ZNF570: variants seen among roughly 807,000 people sequenced by gnomAD.
ZNF570 encodes the protein zinc finger protein 570.
A neutral mutation model predicts 14.2 loss-of-function variants in ZNF570; 8 were observed. The observed-to-expected ratio is 0.56, with a 90% CI of 0.33 to 1.02. The LOEUF (loss-of-function observed/expected upper bound fraction) is 1.02. ZNF570 is among the 50% of genes least tolerant of loss of function. The pLI, the probability that ZNF570 is intolerant of heterozygous loss-of-function variation, is 0.03. For synonymous variants in ZNF570, 202 were observed against 207.6 expected (o/e 0.97, Z 0.23); for missense variants, 559 against 624.9 (o/e 0.89, Z 1.12).
rs372620758 is a variant in ZNF570, at chr19:37,485,184, T to C, written c.1562T>C (p.Ile521Thr). 1.0e-4 allele frequency: 161 copies of C among 1,585,464 alleles called. No homozygotes were observed. Among genetic ancestry groups the C allele is most frequent in the East Asian group, 9.4e-4 (42 of 44,716 alleles). The change falls in exon 5 of 5, where the codon ATT (isoleucine) becomes ACT (threonine). Residue 521 changes from isoleucine (I) to threonine (T), a missense_variant. Transcript: ENST00000330173. ...CTTGCTCATCACCAGAGAATTCACA[T>C]TGGGGAGTCACTGTCACCACCCAAC... The part of the protein sequence containing the change: ...AHLAHHQRIH[I>T]GESLSPPNPV...
At chr19:37,467,884 A>G, upstream of ZNF570, 1 of 1,536,084 alleles carries the variant, frequency 6.5e-7, no homozygotes, top group Non-Finnish European at 8.7e-7. Context: ...CAGTTTTGTC[A>G]GAGACAATGT....
At chr19:37,468,907 C>A, upstream of ZNF570, 6 of 276,038 alleles carry the variant, frequency 2.2e-5, no homozygotes, top group Non-Finnish European at 3.3e-5. Flanking sequence ...TTTCGGGTAT[C>A]CAGCACAATT....
chr19:37,479,010 T>C (rs2042057195), intron 4 of ZNF570, among the ~76,000 whole-genome samples: 1 of 151,338 alleles, frequency 6.6e-6, no homozygotes, highest in Non-Finnish European at 1.5e-5. Flanking sequence ...TCGTAAATTC[T>C]CTTTTTCTTC....
chr19:37,485,757 C>T lies in ZNF570; in HGVS notation c.*524C>T, dbSNP rs28373708. ...TCTTTTTAAAGAATAAGAAAACACA[C>T]ATGGGCTGGGTGTGATGGCTCATGC... On this transcript the variant is annotated 3_prime_UTR_variant, in exon 5 of 5. Transcript: ENST00000330173. 0.26 allele frequency: 40,244 copies of T among 152,046 alleles called. 6,530 individuals are homozygous for T. The highest frequency in any genetic ancestry group is 0.45 in the African/African-American group (18,626 of 41,462). 9.4% of individuals were successfully genotyped at this position (152,046 alleles called of 1,614,324 possible). A position where few individuals can be genotyped will look rare whatever the true frequency, so the allele number is the denominator to read the frequency against.
At position 37,469,454 on chromosome 19, in the gene ZNF570, C is replaced by T. The variant is rs1173025397; in HGVS notation, c.-155C>T. On this transcript the variant is annotated 5_prime_UTR_variant, in exon 1 of 5. Coordinates refer to ENST00000330173, the MANE Select transcript of ZNF570 (RefSeq NM_144694.5). ...CGAGCCTTCGGGGCAGGAAGGAGAT[C>T]TTCCACCAGTTCTGTTCTGCAGGTC... The T allele has an allele frequency of 6.5e-6, 10 of 1,535,952 alleles. No homozygotes were observed. In the Admixed American group the frequency reaches 7.8e-5, roughly 12 times the overall value.
chr19:37,471,205 G>T (rs1277505505), intron 2 of ZNF570, among the ~76,000 whole-genome samples: 3 of 151,106 alleles, frequency 2.0e-5, no homozygotes, highest in Non-Finnish European at 1.5e-5. Context: ...AGTAGAGACG[G>T]GATTTCACCA....
Position 37,487,525 on chromosome 19 carries a change from A to G in ZNF570, c.*2292A>G, listed in dbSNP as rs189000569. On this transcript the variant is annotated 3_prime_UTR_variant, in exon 5 of 5. Transcript: ENST00000330173. ...AAAATTCCAGAGGTGGAGACATGTA[A>G]TTAATACTTAAATATAAAACAGTAG... 3.9e-5 allele frequency: 6 copies of G among 152,330 alleles called. No individual in the cohort carries two copies. The East Asian group carries it at 9.6e-4, about 24-fold the overall frequency. The allele number at this position is 152,330 out of a possible 1,614,324, so 9.4% of individuals were successfully genotyped here.
At chr19:37,475,632 C>A (rs750600627) in intron 2 of ZNF570, among the ~76,000 whole-genome samples, 13 of 151,884 alleles carry the variant, frequency 8.6e-5, no homozygotes, top group Non-Finnish European at 1.6e-4. Context: ...GGGTGAAGAA[C>A]AGGCAATGAA....
rs1445129062 is a variant in ZNF570 at position 37,486,118 on chromosome 19, G to A, written c.*885G>A. On this transcript the variant is annotated 3_prime_UTR_variant, in exon 5 of 5. Transcript: ENST00000330173. ...TAAAACTTTTTTTTTTTTTTTGCTTGTTATTGTTCTTAGACTAATATTCAC... is the reference window on the plus strand; with the variant it reads ...TAAAACTTTTTTTTTTTTTTTGCTTATTATTGTTCTTAGACTAATATTCAC... The A allele has an allele frequency of 7.0e-6, 1 of 141,856 alleles. No individual in the cohort carries two copies. Among genetic ancestry groups the A allele is most frequent in the African/African-American group, 2.6e-5 (1 of 38,272 alleles). 8.8% of individuals were successfully genotyped at this position (141,856 alleles called of 1,614,324 possible). A position where few individuals can be genotyped will look rare whatever the true frequency, so the allele number is the denominator to read the frequency against.
intron 3 of ZNF570, 41 bp downstream of exon 3, chr19:37,476,048 G>A (rs1200875138): frequency 1.3e-6 from 2 of 1,567,846 alleles, no homozygotes; most frequent in East Asian, 2.3e-5. Context: ...CTGCTCAAAA[G>A]GGGCTCTTTG....
Position 37,485,087 on chromosome 19 carries a change from C to A in ZNF570, c.1465C>A (p.Gln489Lys). The change falls in exon 5 of 5, where the codon CAG becomes AAG. Residue 489 changes from glutamine to lysine, a missense_variant. Gln to Lys is a moderately conservative substitution (Grantham distance 53, BLOSUM62 1). Coordinates refer to ENST00000330173, the MANE Select transcript of ZNF570 (RefSeq NM_144694.5). ...FSYCGSLAQH[Q>K]RIHTGERPYE... The stretch of plus-strand genomic sequence containing the variant: ...TTACTGTGGATCCCTTGCCCAACAT[C>A]AGAGAATTCATACTGGAGAGAGACC... 6.2e-7 allele frequency: 1 copy of A among 1,614,050 alleles called. No homozygotes were observed. Among genetic ancestry groups the A allele is most frequent in the Non-Finnish European group, 8.5e-7 (1 of 1,180,018 alleles).
Position 37,484,627 on chromosome 19 carries a change from TG to T in ZNF570, c.1008del (p.Ala338HisfsTer202). On this transcript the variant is annotated frameshift_variant, in exon 5 of 5. Coordinates refer to ENST00000330173, the MANE Select transcript of ZNF570 (RefSeq NM_144694.5). LOFTEE classifies it low-confidence loss of function (END_TRUNC). The stretch of plus-strand genomic sequence containing the variant: ...AGAAACCCTATGAATGTATCGAATG[TG>T]GGAAAGCATTTAGCAACAGATCATC... ...GEKPYECIEC[G>X]KAFSNRSSIA... The T allele has an allele frequency of 6.2e-7, 1 of 1,613,750 alleles. No individual in the cohort carries two copies. The highest frequency in any genetic ancestry group is 8.5e-7 in the Non-Finnish European group (1 of 1,179,896).
chr19:37,469,685 C>T (rs925644820), intron 1 of ZNF570, 128 bp downstream of exon 1: 49 of 992,556 alleles, frequency 4.9e-5, no homozygotes, highest in Non-Finnish European at 6.4e-5. Flanking sequence ...GGCGACTGTT[C>T]GCTGCACCTT....
chr19:37,469,654 C>G, intron 1 of ZNF570, 97 bp downstream of exon 1: 2 of 1,284,292 alleles, frequency 1.6e-6, no homozygotes, highest in Non-Finnish European at 2.2e-6. Flanking sequence ...GAATGTGAGG[C>G]TGTGAGTTGA....
chr19:37,472,480 G>C (rs746617554), intron 2 of ZNF570, among the ~76,000 whole-genome samples: 89 of 152,168 alleles, frequency 5.8e-4, no homozygotes, highest in Non-Finnish European at 1.0e-3. Flanking sequence ...GGTGACTCAC[G>C]CCTGTAATCC....
At chr19:37,478,339 T>G (rs1324124346) in intron 4 of ZNF570, among the ~76,000 whole-genome samples, 1 of 152,200 alleles carries the variant, frequency 6.6e-6, no homozygotes, top group Non-Finnish European at 1.5e-5. Flanking sequence ...TTTGTTGCTG[T>G]GTTAAATGTT....
chr19:37,469,221 C>A, upstream of ZNF570: 1 of 1,319,530 alleles, frequency 7.6e-7, no homozygotes, highest in South Asian at 1.8e-5. Flanking sequence ...ACAAACCCTG[C>A]GCGGAGCTGC....
chr19:37,487,494 T>C lies in ZNF570; in HGVS notation c.*2261T>C, dbSNP rs1449800803. 1.3e-5 allele frequency: 2 copies of C among 152,148 alleles called. No homozygotes were observed. Among genetic ancestry groups the C allele is most frequent in the African/African-American group, 4.8e-5 (2 of 41,442 alleles). The allele number at this position is 152,148 out of a possible 1,614,324, so 9.4% of individuals were successfully genotyped here. The stretch of plus-strand genomic sequence containing the variant: ...GAGCAATACAAAGGCCACATTCTCA[T>C]GGAGTAAAATTCCAGAGGTGGAGAC... On this transcript the variant is annotated 3_prime_UTR_variant, in exon 5 of 5. Transcript: ENST00000330173.
Position 37,484,373 on chromosome 19 carries a change from T to G in ZNF570, c.751T>G (p.Cys251Gly). 6.2e-7 allele frequency: 1 copy of G among 1,614,030 alleles called. No homozygotes were observed. Among genetic ancestry groups the G allele is most frequent in the Non-Finnish European group, 8.5e-7 (1 of 1,180,008 alleles). The change falls in exon 5 of 5, where the codon TGT (cysteine) becomes GGT (glycine). Residue 251 changes from cysteine to glycine, a missense_variant. By Grantham distance (159) the Cys-to-Gly change is radical. Coordinates refer to ENST00000330173, the MANE Select transcript of ZNF570 (RefSeq NM_144694.5). ...AGAGAAACCCTATAAATGTATAGAG[T>G]GTGGAAAAGCCTTCAGCCAGAGATC... Reference protein sequence around the residue: ...TGEKPYKCIECGKAFSQRSNL... With the variant: ...TGEKPYKCIEGGKAFSQRSNL...
Sources: allele counts gnomAD v4.1 joint callset (sites outside exome capture counted in the v4.1 genomes callset), GRCh38; gene constraint gnomAD v4.1.1; transcripts MANE v1.5; gene names NCBI Gene and HGNC (gene_info 2026-07-23, HGNC 2026-07-21).